Variants in ATP8A1 observed in about 807,000 individuals in gnomAD.
ATP8A1 encodes ATPase phospholipid transporting 8A1.
A neutral mutation model predicts 177.7 loss-of-function variants in ATP8A1; 90 were observed. The ratio of observed to expected loss-of-function variants is 0.51; its 90% CI spans 0.43 to 0.60. The LOEUF (loss-of-function observed/expected upper bound fraction) is 0.60. ATP8A1 is among the 20% of genes least tolerant of loss of function. The pLI, the probability that ATP8A1 is intolerant of heterozygous loss-of-function variation, is 0.00. For missense variants in ATP8A1, 1,072 were observed against 1,392.8 expected (o/e 0.77, Z 3.67); for synonymous variants, 493 against 485.9 (o/e 1.01, Z -0.19).
chr4:42,518,764 C>A (rs1725822879), intron 22 of ATP8A1, among the ~76,000 whole-genome samples: 1 of 152,140 alleles, frequency 6.6e-6, no homozygotes, highest in Non-Finnish European at 1.5e-5. Context: ...CAGCATGTCT[C>A]AGTTAAAGCA....
chr4:42,594,206 T>C (rs1734488753), intron 6 of ATP8A1: 1 of 734,720 alleles, frequency 1.4e-6, no homozygotes, highest in Non-Finnish European at 2.2e-6. Flanking sequence ...GTTTATTCCT[T>C]ATTTCCTTGG....
chr4:42,441,208 A>G lies in ATP8A1; in HGVS notation c.3123+2357T>C, dbSNP rs187258659. On this transcript the variant is annotated intron_variant, in intron 33 of 36. Transcript: ENST00000381668. ...TATTACTATATGCAATAGATAATAT[A>G]TGTAATGTACAATATATTACAATAA... Among the ~76,000 whole-genome samples, 4 of 152,316 alleles carry G rather than the reference A, an allele frequency of 2.6e-5. No individual in the cohort carries two copies. The East Asian group carries it at 7.7e-4, about 29-fold the overall frequency.
intron 33 of ATP8A1, among the ~76,000 whole-genome samples, chr4:42,435,461 A>AAAAAAAAAAAAAACAAC (rs1553871738): frequency 8.2e-6 from 1 of 122,346 alleles, no homozygotes; most frequent in South Asian, 2.9e-4. Flanking sequence ...AAAAAAAAAA[A>AAAAAAAAAAAAAACAAC]AACAAACTAT....
chr4:42,475,012 C>G (rs1256732924), intron 25 of ATP8A1, among the ~76,000 whole-genome samples: 1 of 152,098 alleles, frequency 6.6e-6, no homozygotes, highest in Non-Finnish European at 1.5e-5. Flanking sequence ...TATTTGCACC[C>G]AACACATTGA....
intron 15 of ATP8A1, among the ~76,000 whole-genome samples, chr4:42,560,587 A>T (rs1038690417): frequency 1.3e-5 from 2 of 151,894 alleles, no homozygotes. Flanking sequence ...AGGAACAGGG[A>T]GGGCAGCTCA....
Position 42,616,367 on chromosome 4 carries a change from TAGGATTAA to T in ATP8A1, c.364-297_364-290del, listed in dbSNP as rs538049512. 1.9e-3 allele frequency among the ~76,000 whole-genome samples: 285 copies of T among 152,296 alleles called. 1 individual carries two copies. The highest frequency in any genetic ancestry group is 6.6e-3 in the African/African-American group (275 of 41,564). ...CAAGGATCTTACCTCGGCACATAGG[TAGGATTAA>T]AATTTTAATGTACTAGAAAAGTATG... On this transcript the variant is annotated intron_variant, in intron 4 of 36. Coordinates refer to ENST00000381668, the MANE Select transcript of ATP8A1 (RefSeq NM_006095.2).
chr4:42,541,644 C>T (rs551035472), intron 20 of ATP8A1, among the ~76,000 whole-genome samples: 4 of 152,198 alleles, frequency 2.6e-5, no homozygotes, highest in South Asian at 2.1e-4. Flanking sequence ...AGCAGGTGAA[C>T]GCATAAACTG....
intron 22 of ATP8A1, 52 bp from the exon 23 acceptor site, chr4:42,507,206 A>G (rs1478809366): frequency 3.2e-6 from 5 of 1,579,462 alleles, no homozygotes; most frequent in Non-Finnish European, 4.3e-6. Context: ...ATATTCTTTA[A>G]AAACAAAAAA....
Position 42,579,814 on chromosome 4 carries a change from G to A in ATP8A1, c.999C>T (p.Asn333=). 1 of 1,612,878 alleles carries A rather than the reference G, an allele frequency of 6.2e-7. No individual in the cohort carries two copies. Among genetic ancestry groups the A allele is most frequent in the Non-Finnish European group, 8.5e-7 (1 of 1,179,472 alleles). Residue 333 remains asparagine, a splice_region_variant and synonymous_variant, in exon 11 of 37, where the codon AAC becomes AAT. Transcript: ENST00000381668. ...HSGKDWYLNL[N]YGGASNFGLN... is the part of the protein sequence containing the mutation. ...TGCAGTAAGCACTTTATTGCTTACAGTTTAGATTGAGATACCAGTCTTTTC... is the reference window on the plus strand; with the variant it reads ...TGCAGTAAGCACTTTATTGCTTACAATTTAGATTGAGATACCAGTCTTTTC...
chr4:42,447,744 C>A (rs933758951), intron 30 of ATP8A1, among the ~76,000 whole-genome samples: 6 of 152,220 alleles, frequency 3.9e-5, no homozygotes, highest in African/African-American at 1.4e-4. Flanking sequence ...GCTTTGGAGA[C>A]ACCGAAGTTT....
chr4:42,455,148 A>C lies in ATP8A1; in HGVS notation c.2817+149T>G, dbSNP rs962642384. On this transcript the variant is annotated intron_variant, in intron 29 of 36. Coordinates refer to ENST00000381668, the MANE Select transcript of ATP8A1 (RefSeq NM_006095.2). ...AAAAACCTTCTCTGCCTGTATCAGA[A>C]CCTTAAGAAATATGACTTGCCATAG... is the stretch of plus-strand genomic sequence containing the variant. 8.9e-5 allele frequency: 88 copies of C among 983,648 alleles called. No individual in the cohort carries two copies. In the African/African-American group the frequency reaches 1.2e-3, roughly 14 times the overall value. 60.9% of individuals were successfully genotyped at this position (983,648 alleles called of 1,614,324 possible). A position where few individuals can be genotyped will look rare whatever the true frequency, so the allele number is the denominator to read the frequency against.
intron 24 of ATP8A1, among the ~76,000 whole-genome samples, chr4:42,501,863 C>T (rs1723887436): frequency 1.3e-5 from 2 of 152,126 alleles, no homozygotes; most frequent in African/African-American, 4.8e-5. Context: ...AAAAGCCTTC[C>T]CCAGACAGCA....
chr4:42,487,879 T>C (rs533143375), intron 24 of ATP8A1, among the ~76,000 whole-genome samples: 2 of 152,252 alleles, frequency 1.3e-5, no homozygotes, highest in African/African-American at 4.8e-5. Flanking sequence ...TGTTCCCCAT[T>C]ACACACAGTG....
At chr4:42,620,376 T>G (rs1737346379) in intron 4 of ATP8A1, among the ~76,000 whole-genome samples, 1 of 152,234 alleles carries the variant, frequency 6.6e-6, no homozygotes, top group Non-Finnish European at 1.5e-5. Context: ...ATTATTACAT[T>G]CTTTAGGACT....
In ATP8A1 at chr4:42,454,253, C is replaced by T. The variant is rs571244092; in HGVS notation, c.2817+1044G>A. ...GTCTTGCCCATAAACCTAGCACTAT[C>T]GTTTATGCTGTGAGGTTAGAGGCAC... On this transcript the variant is annotated intron_variant, in intron 29 of 36. Coordinates refer to ENST00000381668, the MANE Select transcript of ATP8A1 (RefSeq NM_006095.2). 3.3e-5 allele frequency among the ~76,000 whole-genome samples: 5 copies of T among 152,264 alleles called. No homozygotes were observed. The South Asian group carries it at 6.2e-4, about 19-fold the overall frequency.
chr4:42,518,438 G>A (rs979005387), intron 22 of ATP8A1, among the ~76,000 whole-genome samples: 1 of 152,146 alleles, frequency 6.6e-6, no homozygotes, highest in Non-Finnish European at 1.5e-5. Context: ...GTGCTTAGTG[G>A]ATCCTCAGAG....
At chr4:42,457,008 A>G (rs1718560840) in intron 27 of ATP8A1, among the ~76,000 whole-genome samples, 2 of 152,188 alleles carry the variant, frequency 1.3e-5, no homozygotes, top group South Asian at 4.1e-4. Flanking sequence ...GCTTTATGAG[A>G]TGGAAAAGAA....
intron 25 of ATP8A1, among the ~76,000 whole-genome samples, chr4:42,466,968 T>A (rs568697978): frequency 3.2e-4 from 48 of 152,324 alleles, no homozygotes; most frequent in African/African-American, 1.1e-3. Flanking sequence ...GAAAGCTTTA[T>A]CAAATTCTCT....
Position 42,555,130 on chromosome 4 carries a change from TA to T in ATP8A1, c.1413+837del, listed in dbSNP as rs770505123. ...CTATCTATCTATCTATCTATCTATC[TA>T]TCTATCTAATCTATCTATCTATCTA... On this transcript the variant is annotated intron_variant, in intron 16 of 36. Coordinates refer to ENST00000381668, the MANE Select transcript of ATP8A1 (RefSeq NM_006095.2). Among the ~76,000 whole-genome samples the T allele has an allele frequency of 3.6e-3, 300 of 82,866 alleles. 7 individuals carry two copies. The highest frequency in any genetic ancestry group is 4.3e-3 in the African/African-American group (80 of 18,788). The allele number at this position is 82,866 out of a possible 152,430, so 54.4% of individuals were successfully genotyped here. A position where few individuals can be genotyped will look rare whatever the true frequency, so the allele number is the denominator to read the frequency against.
Sources: allele counts gnomAD v4.1 joint callset (sites outside exome capture counted in the v4.1 genomes callset), GRCh38; gene constraint gnomAD v4.1.1; transcripts MANE v1.5; gene names NCBI Gene and HGNC (gene_info 2026-07-23, HGNC 2026-07-21).